Variants in PDE8A observed in about 807,000 individuals in gnomAD.
PDE8A encodes phosphodiesterase 8A.
In PDE8A, 59 loss-of-function variants were observed where a neutral mutation model predicts 105.0. The ratio of observed to expected loss-of-function variants is 0.56; its 90% CI spans 0.46 to 0.70. The LOEUF (loss-of-function observed/expected upper bound fraction) is 0.70. PDE8A is among the 30% of genes least tolerant of loss of function. The probability of loss-of-function intolerance (pLI) is 0.00; values close to 1 mark genes in which losing one functional copy is unlikely to be tolerated. For missense variants in PDE8A, 1,014 were observed against 1,045.9 expected (o/e 0.97, Z 0.42); for synonymous variants, 355 against 371.9 (o/e 0.95, Z 0.52).
At chr15:85,019,104 G>C (rs2080377034) in intron 1 of PDE8A, among the ~76,000 whole-genome samples, 1 of 152,190 alleles carries the variant, frequency 6.6e-6, no homozygotes, top group African/African-American at 2.4e-5. Context: ...TTGGTGGTAA[G>C]GGCAGTTCAC....
At chr15:84,988,749 C>G (rs981584140) in intron 1 of PDE8A, among the ~76,000 whole-genome samples, 1 of 152,204 alleles carries the variant, frequency 6.6e-6, no homozygotes, top group African/African-American at 2.4e-5. Context: ...TTTCTCTGCT[C>G]TTGGGACCTG....
intron 1 of PDE8A, among the ~76,000 whole-genome samples, chr15:85,001,174 T>TTGA (rs1390555191): frequency 7.9e-5 from 12 of 152,288 alleles, no homozygotes; most frequent in South Asian, 2.1e-4. Flanking sequence ...TTCCAGGGAC[T>TTGA]TGATAACCTC....
chr15:85,030,187 C>G (rs866350494), intron 1 of PDE8A, among the ~76,000 whole-genome samples: 2 of 152,058 alleles, frequency 1.3e-5, no homozygotes, highest in Non-Finnish European at 2.9e-5. Context: ...TTTTATTTCT[C>G]TTTCTTTTTG....
At chr15:85,135,303 G>C (rs1354342089) in intron 20 of PDE8A, among the ~76,000 whole-genome samples, 1 of 152,076 alleles carries the variant, frequency 6.6e-6, no homozygotes, top group Non-Finnish European at 1.5e-5. Flanking sequence ...CCTTTCTTCT[G>C]TGCACTCAGC....
chr15:85,087,358 A>G (rs1166290374), intron 6 of PDE8A, among the ~76,000 whole-genome samples: 2 of 152,042 alleles, frequency 1.3e-5, no homozygotes, highest in African/African-American at 2.4e-5. Flanking sequence ...GTATACCACC[A>G]GGCCAGCTAA....
intron 11 of PDE8A, 197 bp downstream of exon 11, chr15:85,100,395 G>A (rs2081841802): frequency 3.4e-6 from 2 of 589,474 alleles, no homozygotes; most frequent in Non-Finnish European, 6.0e-6. Flanking sequence ...ATTCTGATGG[G>A]TGCCCTGGGG....
At chr15:85,083,005 G>A (rs1230655576) in intron 5 of PDE8A, among the ~76,000 whole-genome samples, 2 of 152,254 alleles carry the variant, frequency 1.3e-5, no homozygotes, top group African/African-American at 4.8e-5. Context: ...TGCCTCTGCT[G>A]TGGAAGATAA....
chr15:85,004,527 G>A (rs2080114873), intron 1 of PDE8A, among the ~76,000 whole-genome samples: 1 of 152,230 alleles, frequency 6.6e-6, no homozygotes, highest in South Asian at 2.1e-4. Context: ...AACCTTTCCT[G>A]AAGCTCGCAA....
chr15:85,090,280 A>G (rs2081620012), intron 7 of PDE8A, among the ~76,000 whole-genome samples: 1 of 152,178 alleles, frequency 6.6e-6, no homozygotes, highest in Non-Finnish European at 1.5e-5. Flanking sequence ...ATTAGTAAGA[A>G]CAACAGCCTG....
intron 20 of PDE8A, 25 bp from the exon 21 acceptor site, chr15:85,136,509 C>G: frequency 6.2e-7 from 1 of 1,605,700 alleles, no homozygotes; most frequent in Non-Finnish European, 8.5e-7. Context: ...GTTGGGGTCT[C>G]CTGATCACAT....
intron 11 of PDE8A, among the ~76,000 whole-genome samples, chr15:85,102,706 G>T (rs1213621616): frequency 6.6e-6 from 1 of 151,812 alleles, no homozygotes; most frequent in African/African-American, 2.4e-5. Context: ...AGGCGTCGTG[G>T]CGCATGCCTG....
Position 85,126,262 on chromosome 15 carries a change from G to A in PDE8A, c.2141G>A (p.Arg714Gln), listed in dbSNP as rs373904014. 12 of 1,612,590 alleles carry A rather than the reference G, an allele frequency of 7.4e-6. No homozygotes were observed. The highest frequency in any genetic ancestry group is 3.3e-5 in the South Asian group (3 of 90,890). Residue 714 changes from arginine to glutamine, a missense_variant, in exon 20 of 22, where the codon CGG (arginine) becomes CAG (glutamine). Arg to Gln is a conservative substitution (Grantham distance 43, BLOSUM62 1). Coordinates refer to ENST00000394553, the MANE Select transcript of PDE8A (RefSeq NM_002605.3). ...INTMLRTPENRTLIKRMLIKC... is the reference protein window; with the variant it reads ...INTMLRTPENQTLIKRMLIKC... ...ACTATGCTTAGGACTCCAGAGAACC[G>A]GACCCTAATCAAACGAATGCTGATT...
upstream of PDE8A, among the ~76,000 whole-genome samples, chr15:84,980,839 G>A (rs1292539135): frequency 6.6e-6 from 1 of 152,222 alleles, no homozygotes; most frequent in African/African-American, 2.4e-5. Context: ...AAAATGAGAG[G>A]AGGACGGGCG....
chr15:85,011,976 T>A (rs1436559740), intron 1 of PDE8A, among the ~76,000 whole-genome samples: 2 of 152,072 alleles, frequency 1.3e-5, no homozygotes, highest in Non-Finnish European at 2.9e-5. Flanking sequence ...ATCAGAGAAA[T>A]GCAAATCAAA....
At chr15:85,094,376 C>T (rs1253012023) in intron 8 of PDE8A, among the ~76,000 whole-genome samples, 2 of 152,226 alleles carry the variant, frequency 1.3e-5, no homozygotes, top group Non-Finnish European at 2.9e-5. Flanking sequence ...ACTCTTCTTC[C>T]ATTTCCTCCC....
Position 84,982,401 on chromosome 15 carries a change from A to G in PDE8A, c.186+53A>G, listed in dbSNP as rs201505717. ...GCCGCGAAACTCGGGCCCGGCCAGT[A>G]AGCAACTTTCCCGCAGGGGCCGGGC... On this transcript the variant is annotated intron_variant, in intron 1 of 21. Coordinates refer to ENST00000394553, the MANE Select transcript of PDE8A (RefSeq NM_002605.3). 138 of 1,215,422 alleles carry G rather than the reference A, an allele frequency of 1.1e-4. No homozygotes were observed. In the East Asian group the frequency reaches 2.9e-3, roughly 25 times the overall value. The allele number at this position is 1,215,422 out of a possible 1,614,324, so 75.3% of individuals were successfully genotyped here.
At chr15:85,011,425 G>A (rs289378) in intron 1 of PDE8A, among the ~76,000 whole-genome samples, 113,365 of 152,022 alleles carry the variant, frequency 0.75, 42,380 homozygotes, top group Non-Finnish European at 0.77. Flanking sequence ...ATAACCTTTC[G>A]GGGCCCTAGC....
intron 1 of PDE8A, among the ~76,000 whole-genome samples, chr15:85,025,691 A>G (rs536800759): frequency 2.6e-5 from 4 of 152,332 alleles, no homozygotes; most frequent in East Asian, 1.9e-4. Flanking sequence ...GAGGGCTGAC[A>G]GTGTTGAAGT....
chr15:85,094,391 T>C (rs2081705067), intron 8 of PDE8A, among the ~76,000 whole-genome samples: 1 of 152,236 alleles, frequency 6.6e-6, no homozygotes, highest in Admixed American at 6.5e-5. Flanking sequence ...CCTCCCAGAT[T>C]TACCAGAACT....
Sources: gnomAD v4.1 joint callset for allele counts (sites outside exome capture counted in the v4.1 genomes callset) on GRCh38, gnomAD v4.1.1 for gene constraint, MANE v1.5 for transcripts, NCBI Gene and HGNC (gene_info 2026-07-23, HGNC 2026-07-21) for gene names.